EIF3L: variants seen among roughly 807,000 people sequenced by gnomAD.
EIF3L encodes eIEF associated protein HSPC021.
EIF3L carries 32 observed loss-of-function variants against 74.6 expected under a neutral mutation model. The observed-to-expected ratio is 0.43, with a 90% CI of 0.32 to 0.58. The LOEUF (loss-of-function observed/expected upper bound fraction) is 0.58. Ranked by LOEUF, EIF3L falls within the 20% of genes least tolerant of loss-of-function variation. The probability of loss-of-function intolerance (pLI) is 0.06; values close to 1 mark genes in which losing one functional copy is unlikely to be tolerated. For synonymous variants in EIF3L, 256 were observed against 254.4 expected (o/e 1.01, Z -0.06); for missense variants, 474 against 707.8 (o/e 0.67, Z 3.75).
At chr22:37,858,773 T>C in intron 5 of EIF3L, 33 bp downstream of exon 5, 1 of 1,557,874 alleles carries the variant, frequency 6.4e-7, no homozygotes, top group Non-Finnish European at 8.7e-7. Flanking sequence ...TTTTTTTTTG[T>C]TTTTGTTTTT....
chr22:37,858,884 G>A (rs1387671117), intron 5 of EIF3L, 144 bp downstream of exon 5: 4 of 730,228 alleles, frequency 5.5e-6, no homozygotes, highest in Non-Finnish European at 9.0e-6. Flanking sequence ...AGAAGCGGTG[G>A]AAGGAACAGT....
At chr22:37,858,484 C>G (rs1320066074) in intron 4 of EIF3L, 195 bp from the exon 5 acceptor site, 6 of 632,456 alleles carry the variant, frequency 9.5e-6, no homozygotes, top group African/African-American at 9.3e-5. Context: ...TTAATCTCAT[C>G]GACAGAGATT....
chr22:37,869,593 T>A (rs1259981060), intron 7 of EIF3L, among the ~76,000 whole-genome samples: 1 of 152,194 alleles, frequency 6.6e-6, no homozygotes, highest in African/African-American at 2.4e-5. Context: ...CCAGGAGTGC[T>A]TCCAGGTTCT....
intron 2 of EIF3L, among the ~76,000 whole-genome samples, chr22:37,851,012 G>C (rs572511528): frequency 6.6e-6 from 1 of 152,280 alleles, no homozygotes; most frequent in Non-Finnish European, 1.5e-5. Context: ...GTATGTCTGA[G>C]TACAAGACAG....
intron 5 of EIF3L, among the ~76,000 whole-genome samples, chr22:37,861,753 A>G (rs934969112): frequency 1.3e-5 from 2 of 152,110 alleles, no homozygotes; most frequent in Non-Finnish European, 2.9e-5. Flanking sequence ...TGGATATGCT[A>G]AGAATCTAGC....
At chr22:37,867,397 G>A (rs185900367) in intron 7 of EIF3L, among the ~76,000 whole-genome samples, 1 of 152,026 alleles carries the variant, frequency 6.6e-6, no homozygotes, top group South Asian at 2.1e-4. Flanking sequence ...AGTGGCTCAC[G>A]CCTGTAATCT....
rs1925957396 is a variant in EIF3L at position 37,863,252 on chromosome 22, T to C, written c.506-20T>C. 13 of 1,603,604 alleles carry C rather than the reference T, an allele frequency of 8.1e-6. No homozygotes were observed. The highest frequency in any genetic ancestry group is 1.1e-5 in the Non-Finnish European group (13 of 1,174,492). On this transcript the variant is annotated intron_variant, in intron 6 of 12. Transcript: ENST00000652021. ...AGAGTCATTGCTTTGAATCTGACTTTTCTGTGATCTCCTGCACAGATGCCG... is the reference window on the plus strand; with the variant it reads ...AGAGTCATTGCTTTGAATCTGACTTCTCTGTGATCTCCTGCACAGATGCCG...
intron 7 of EIF3L, among the ~76,000 whole-genome samples, chr22:37,864,807 G>A (rs1463368775): frequency 6.6e-6 from 1 of 152,086 alleles, no homozygotes; most frequent in Non-Finnish European, 1.5e-5. Context: ...CCAAAGTGCT[G>A]GGATTACAGG....
In EIF3L at chr22:37,877,782, G is replaced by A; in HGVS notation, c.1186G>A (p.Asp396Asn). 1 of 1,613,908 alleles carries A rather than the reference G, an allele frequency of 6.2e-7. No individual in the cohort carries two copies. Among genetic ancestry groups the A allele is most frequent in the Non-Finnish European group, 8.5e-7 (1 of 1,179,872 alleles). ...IHLQLREKYG[D>N]KMLRMQKGDP... ...CCTCCAGCTGCGGGAGAAATATGGG[G>A]ACAAGATGTTGCGCATGCAGAAAGG... Residue 396 changes from aspartate (D) to asparagine (N), a missense_variant, in exon 11 of 13, where the codon GAC (aspartate) becomes AAC (asparagine). Physicochemically the swap from Asp to Asn is conservative, Grantham distance 23. Coordinates refer to ENST00000652021, the MANE Select transcript of EIF3L (RefSeq NM_016091.4).
chr22:37,877,479 A>C (rs1926812482), intron 10 of EIF3L, 195 bp from the exon 11 acceptor site: 1 of 619,660 alleles, frequency 1.6e-6, no homozygotes, highest in Non-Finnish European at 2.7e-6. Context: ...ATGGCTAAGG[A>C]GGATCTGGAG....
At chr22:37,853,269 C>T (rs1300140550) in intron 3 of EIF3L, among the ~76,000 whole-genome samples, 3 of 152,030 alleles carry the variant, frequency 2.0e-5, no homozygotes, top group Non-Finnish European at 4.4e-5. Flanking sequence ...AGAAAGAATT[C>T]GACTGAGGGG....
At chr22:37,882,726 G>A (rs1927113688) in intron 11 of EIF3L, 1 of 151,672 alleles carries the variant, frequency 6.6e-6, no homozygotes, top group South Asian at 2.1e-4. Context: ...TGATAAGCCG[G>A]GCGCGTTGGT....
intron 2 of EIF3L, 119 bp from the exon 3 acceptor site, chr22:37,851,161 A>C: frequency 1.4e-6 from 1 of 700,148 alleles, no homozygotes; most frequent in East Asian, 2.7e-5. Context: ...TGTATCTCTG[A>C]GTATTCAAAA....
At chr22:37,868,999 A>T (rs987588271) in intron 7 of EIF3L, among the ~76,000 whole-genome samples, 6 of 151,534 alleles carry the variant, frequency 4.0e-5, no homozygotes, top group Admixed American at 2.6e-4. Context: ...CTGTTCTCGA[A>T]CTCTTGATCT....
Position 37,851,914 on chromosome 22 carries a change from C to T in EIF3L, c.293+424C>T, listed in dbSNP as rs371867655. Among the ~76,000 whole-genome samples the T allele has an allele frequency of 3.2e-4, 48 of 152,230 alleles. No homozygotes were observed. In the East Asian group the frequency reaches 5.4e-3, roughly 17 times the overall value. Reference sequence around the variant, plus strand: ...AACCCCTGACCTCAAGTGATCCACCCGCCTCAGCCTCCCAAAGCACTGGGA... The same window carrying T: ...AACCCCTGACCTCAAGTGATCCACCTGCCTCAGCCTCCCAAAGCACTGGGA... On this transcript the variant is annotated intron_variant, in intron 3 of 12. Coordinates refer to ENST00000652021, the MANE Select transcript of EIF3L (RefSeq NM_016091.4).
intron 10 of EIF3L, chr22:37,876,542 C>T (rs1310449106): frequency 6.6e-6 from 1 of 152,330 alleles, no homozygotes; most frequent in Non-Finnish European, 1.5e-5. Flanking sequence ...TCAGGCGATC[C>T]ATCCACCTCA....
chr22:37,888,087 C>A (rs1418452327), intron 12 of EIF3L: 1 of 240,054 alleles, frequency 4.2e-6, no homozygotes, highest in African/African-American at 2.2e-5. Flanking sequence ...GGGCTGTCTT[C>A]TAACAAGGAT....
intron 3 of EIF3L, among the ~76,000 whole-genome samples, chr22:37,852,819 A>G (rs951696474): frequency 2.0e-5 from 3 of 151,378 alleles, no homozygotes; most frequent in Non-Finnish European, 4.4e-5. Flanking sequence ...AGAGTCACTT[A>G]TGACCAAGAA....
chr22:37,878,284 G>C (rs1601779337), intron 11 of EIF3L, 113 bp downstream of exon 11: 2 of 1,354,540 alleles, frequency 1.5e-6, no homozygotes. Context: ...GCCTTGTGGT[G>C]CTGCCACAAG....
Sources: allele counts gnomAD v4.1 joint callset (sites outside exome capture counted in the v4.1 genomes callset), GRCh38; gene constraint gnomAD v4.1.1; transcripts MANE v1.5; gene names NCBI Gene and HGNC (gene_info 2026-07-23, HGNC 2026-07-21).